Variants in TRAPPC9 observed in about 807,000 individuals in gnomAD.
TRAPPC9 encodes the protein IKK2 binding protein.
TRAPPC9 carries 83 observed loss-of-function variants against 124.0 expected under a neutral mutation model. The observed-to-expected ratio is 0.67, with a 90% CI of 0.56 to 0.80. The LOEUF is 0.80. Ranked by LOEUF, TRAPPC9 falls within the 30% of genes least tolerant of loss-of-function variation. TRAPPC9 has a pLI of 0.00. For synonymous variants in TRAPPC9, 638 were observed against 617.5 expected (o/e 1.03, Z -0.49); for missense variants, 1,302 against 1,508.3 (o/e 0.86, Z 2.27).
At chr8:139,974,027 TC>T (rs1225670673) in intron 19 of TRAPPC9, among the ~76,000 whole-genome samples, 1 of 151,908 alleles carries the variant, frequency 6.6e-6, no homozygotes, top group African/African-American at 2.4e-5. Context: ...GGCTCCATGG[TC>T]CCCCCATCCC....
intron 21 of TRAPPC9, among the ~76,000 whole-genome samples, chr8:139,864,319 G>A (rs750315172): frequency 2.6e-5 from 4 of 152,174 alleles, no homozygotes; most frequent in Non-Finnish European, 4.4e-5. Flanking sequence ...GTTTGGAAAG[G>A]CTGCAAAATT....
At chr8:139,991,431 C>A (rs188382828) in intron 18 of TRAPPC9, among the ~76,000 whole-genome samples, 2 of 152,254 alleles carry the variant, frequency 1.3e-5, no homozygotes, top group East Asian at 1.9e-4. Flanking sequence ...GGCTTCCTAT[C>A]TGTGAATAAG....
intron 21 of TRAPPC9, among the ~76,000 whole-genome samples, chr8:139,835,273 G>C (rs1826257574): frequency 6.6e-6 from 1 of 152,180 alleles, no homozygotes; most frequent in African/African-American, 2.4e-5. Flanking sequence ...GAACAGAGAT[G>C]CTTTTTATGT....
chr8:139,744,522 C>T (rs575470160), intron 21 of TRAPPC9, among the ~76,000 whole-genome samples: 64 of 152,302 alleles, frequency 4.2e-4, no homozygotes, highest in Non-Finnish European at 8.1e-4. Flanking sequence ...TCCTAGGAGC[C>T]GAGGCAGGCC....
chr8:140,065,552 T>G (rs1222356917), intron 17 of TRAPPC9, among the ~76,000 whole-genome samples: 1 of 152,180 alleles, frequency 6.6e-6, no homozygotes, highest in African/African-American at 2.4e-5. Context: ...TGACTTGAAT[T>G]TAAAGCCAAC....
At chr8:140,129,663 G>A (rs1193991334) in intron 17 of TRAPPC9, among the ~76,000 whole-genome samples, 4 of 148,772 alleles carry the variant, frequency 2.7e-5, no homozygotes, top group African/African-American at 1.0e-4. Context: ...GTGAGAGCCA[G>A]CTTTCTCCCC....
intron 17 of TRAPPC9, among the ~76,000 whole-genome samples, chr8:140,144,483 C>T (rs1053003368): frequency 4.6e-4 from 70 of 151,630 alleles, no homozygotes; most frequent in African/African-American, 1.7e-3. Flanking sequence ...TTCATTCATT[C>T]ATTCATTCAT....
chr8:140,357,400 C>T (rs554494833), intron 9 of TRAPPC9, among the ~76,000 whole-genome samples: 9 of 152,208 alleles, frequency 5.9e-5, no homozygotes, highest in Admixed American at 3.3e-4. Flanking sequence ...ACTCACCAAC[C>T]GTGGGGACTG....
intron 9 of TRAPPC9, among the ~76,000 whole-genome samples, chr8:140,320,007 A>G (rs2066551399): frequency 6.6e-6 from 1 of 152,240 alleles, no homozygotes; most frequent in Admixed American, 6.5e-5. Flanking sequence ...TAGAGAATAG[A>G]AAGAGGGGAA....
intron 10 of TRAPPC9, among the ~76,000 whole-genome samples, chr8:140,306,113 T>TACAGTCTA (rs2066123090): frequency 6.6e-6 from 1 of 152,188 alleles, no homozygotes. Context: ...GGAAGTGGCA[T>TACAGTCTA]ACAGTCTTTT....
intron 17 of TRAPPC9, among the ~76,000 whole-genome samples, chr8:140,033,063 T>C (rs753776264): frequency 6.6e-6 from 1 of 152,230 alleles, no homozygotes; most frequent in Non-Finnish European, 1.5e-5. Flanking sequence ...CCCTATTTTT[T>C]TAATTGACCT....
In TRAPPC9 at chr8:139,843,816, T is replaced by C. The variant is rs1586968835; in HGVS notation, c.3055+42063A>G. 2.6e-5 allele frequency among the ~76,000 whole-genome samples: 4 copies of C among 152,330 alleles called. 1 individual carries two copies. Among genetic ancestry groups the C allele is most frequent in the Admixed American group, 2.6e-4 (4 of 15,302 alleles). On this transcript the variant is annotated intron_variant, in intron 21 of 22. Transcript: ENST00000438773. ...CTCAATTTTAGCCCAGGAGCCCCAC[T>C]TCTGACTCTGCCCTCTGGCACTGCA...
In TRAPPC9 at chr8:139,742,242, G is replaced by T. The variant is rs865912187; in HGVS notation, c.3056-10040C>A. Among the ~76,000 whole-genome samples, 1 of 152,180 alleles carries T rather than the reference G, an allele frequency of 6.6e-6. No individual in the cohort carries two copies. Among genetic ancestry groups the T allele is most frequent in the African/African-American group, 2.4e-5 (1 of 41,438 alleles). ...AGTAGCATCTTGCTGCGGTTCTCACGTGCGTTCTCCCGATCTACCCCCAAC... is the reference window on the plus strand; with the variant it reads ...AGTAGCATCTTGCTGCGGTTCTCACTTGCGTTCTCCCGATCTACCCCCAAC... On this transcript the variant is annotated intron_variant, in intron 21 of 22. Transcript: ENST00000438773. The surrounding 1 kb of genome is among the most constrained non-coding windows in gnomAD (Gnocchi z 4.7).
At chr8:140,040,566 T>C (rs1464759205) in intron 17 of TRAPPC9, 1 of 152,310 alleles carries the variant, frequency 6.6e-6, no homozygotes, top group Non-Finnish European at 1.5e-5. Flanking sequence ...GTATTTTCAG[T>C]ACAGACAGGG....
intron 13 of TRAPPC9, among the ~76,000 whole-genome samples, chr8:140,285,120 A>G (rs543332434): frequency 6.6e-6 from 1 of 152,342 alleles, no homozygotes; most frequent in South Asian, 2.1e-4. Flanking sequence ...TGATAATACA[A>G]GGTCAGTCCT....
chr8:140,300,440 C>T lies in TRAPPC9; in HGVS notation c.1768+29G>A, dbSNP rs747962102. 1.9e-5 allele frequency: 30 copies of T among 1,613,792 alleles called. No homozygotes were observed. The Admixed American group carries it at 2.7e-4, about 14-fold the overall frequency. ...CCATTGGAAATCAGGTGGCAGAGCA[C>T]GGTGGGAAAGCCAGGATCGACGTCC... On this transcript the variant is annotated intron_variant, in intron 11 of 22. Transcript: ENST00000438773.
intron 17 of TRAPPC9, among the ~76,000 whole-genome samples, chr8:140,150,248 G>C (rs1178925777): frequency 6.6e-6 from 1 of 152,176 alleles, no homozygotes; most frequent in Non-Finnish European, 1.5e-5. Context: ...AGGAGCTCGA[G>C]ACCAGCCAGG....
At chr8:139,843,698 G>A (rs1826883220) in intron 21 of TRAPPC9, among the ~76,000 whole-genome samples, 1 of 152,180 alleles carries the variant, frequency 6.6e-6, no homozygotes, top group South Asian at 2.1e-4. Context: ...GAAGGGGCCG[G>A]GAGCCAAGGA....
At chr8:139,864,618 A>G (rs1269175028) in intron 21 of TRAPPC9, among the ~76,000 whole-genome samples, 1 of 152,138 alleles carries the variant, frequency 6.6e-6, no homozygotes, top group Non-Finnish European at 1.5e-5. Context: ...TCTGTAAATG[A>G]CAGTAGCATA....
Sources: gnomAD v4.1 joint callset for allele counts (sites outside exome capture counted in the v4.1 genomes callset) on GRCh38, gnomAD v4.1.1 for gene constraint, Gnocchi (gnomAD v3.1) non-coding constraint, MANE v1.5 for transcripts, NCBI Gene and HGNC (gene_info 2026-07-23, HGNC 2026-07-21) for gene names.